Variants in MYO18B observed in about 807,000 individuals in gnomAD.
MYO18B encodes the protein unconventional myosin-XVIIIb.
Under a neutral mutation model 273.0 loss-of-function variants are expected in MYO18B, and 204 were observed. The observed-to-expected ratio is 0.75, with a 90% CI of 0.67 to 0.84. The LOEUF (loss-of-function observed/expected upper bound fraction) is 0.84. MYO18B is among the 40% of genes least tolerant of loss of function. The pLI is 0.00. For synonymous variants in MYO18B, 1,330 were observed against 1,305.7 expected, an observed-to-expected ratio of 1.02 and a Z score of -0.40; for missense variants, 3,212 against 3,287.6, an observed-to-expected ratio of 0.98 and a Z score of 0.56.
chr22:25,998,608 G>T (rs1933596560), intron 40 of MYO18B, among the ~76,000 whole-genome samples: 1 of 152,194 alleles, frequency 6.6e-6, no homozygotes, highest in Non-Finnish European at 1.5e-5. Flanking sequence ...GATTCTGGTT[G>T]CTACTGAGGG....
Position 25,828,847 on chromosome 22 carries a change from G to A in MYO18B, c.2858G>A (p.Arg953Gln), listed in dbSNP as rs768267626. 13 of 1,613,638 alleles carry A rather than the reference G, an allele frequency of 8.1e-6. No individual in the cohort carries two copies. In the East Asian group the frequency reaches 1.6e-4, roughly 19 times the overall value. The change falls in exon 15 of 44, where the codon CGG (arginine) becomes CAG (glutamine). Residue 953 changes from arginine to glutamine, a missense_variant. Transcript: ENST00000335473. ...GACTCTCCAGGCTTCCAGAACCCCC[G>A]GCACCAGGGCAAGGACCGGGCGGCC... The part of the protein sequence containing the change: ...VVDSPGFQNP[R>Q]HQGKDRAATF...
At chr22:25,946,368 AC>A in intron 35 of MYO18B, 118 bp downstream of exon 35, 1 of 603,698 alleles carries the variant, frequency 1.7e-6, no homozygotes, top group Non-Finnish European at 2.9e-6. Flanking sequence ...TTGTAAACCT[AC>A]CAGGTAGCAC....
intron 6 of MYO18B, among the ~76,000 whole-genome samples, chr22:25,771,188 T>C (rs1396525912): frequency 6.6e-6 from 1 of 152,234 alleles, no homozygotes; most frequent in African/African-American, 2.4e-5. Context: ...AGGGGGTCAT[T>C]CACCCTTTCC....
intron 1 of MYO18B, among the ~76,000 whole-genome samples, chr22:25,760,433 A>AC (rs2086271514): frequency 6.8e-6 from 1 of 146,356 alleles, no homozygotes; most frequent in Admixed American, 6.8e-5. Flanking sequence ...AAAAAAAAAA[A>AC]ACACAAAAAC....
At chr22:26,037,304 A>G in the MYO18B span, among the ~76,000 whole-genome samples, 2 of 152,030 alleles carry the variant, frequency 1.3e-5, no homozygotes, top group Non-Finnish European at 2.9e-5. Context: ...GGGAGAGGAG[A>G]CCCTATCTTT....
downstream of MYO18B, among the ~76,000 whole-genome samples, chr22:26,031,582 T>G (rs1277452691): frequency 1.3e-5 from 2 of 152,230 alleles, no homozygotes; most frequent in African/African-American, 4.8e-5. Flanking sequence ...TAAGTCACTT[T>G]ATGAAGTACT....
At chr22:25,847,242 C>A (rs1395244664) in intron 19 of MYO18B, among the ~76,000 whole-genome samples, 188 bp from the exon 20 acceptor site, 1 of 152,174 alleles carries the variant, frequency 6.6e-6, no homozygotes, top group Non-Finnish European at 1.5e-5. Flanking sequence ...TCAGTTTCTC[C>A]ATCTGTTTCA....
At chr22:25,759,568 A>G (rs538016141) in intron 1 of MYO18B, among the ~76,000 whole-genome samples, 15 of 152,352 alleles carry the variant, frequency 9.8e-5, no homozygotes, top group Middle Eastern at 3.4e-3. Context: ...TACCTAATGT[A>G]GATGATGGGT....
intron 18 of MYO18B, among the ~76,000 whole-genome samples, chr22:25,844,221 G>T (rs955989011): frequency 2.6e-5 from 4 of 152,164 alleles, no homozygotes; most frequent in African/African-American, 7.2e-5. Flanking sequence ...GGACATTCAA[G>T]AACTAGGGGT....
chr22:25,748,125 C>T (rs1397508353), intron 1 of MYO18B, among the ~76,000 whole-genome samples: 2 of 152,200 alleles, frequency 1.3e-5, no homozygotes, highest in African/African-American at 4.8e-5. Flanking sequence ...TGAGAAAAGG[C>T]TGAAGGTGAC....
At chr22:25,921,748 ATG>A (rs2092348298) in intron 34 of MYO18B, among the ~76,000 whole-genome samples, 5 of 99,928 alleles carry the variant, frequency 5.0e-5, no homozygotes, top group South Asian at 3.2e-4. Context: ...GTGTATGTGT[ATG>A]TGTGTATGCG....
At position 25,762,833 on chromosome 22, in the gene MYO18B, C is replaced by T. The variant is rs139503214; in HGVS notation, c.40-398C>T. Among the ~76,000 whole-genome samples the T allele has an allele frequency of 4.9e-3, 750 of 152,346 alleles. 2 individuals carry two copies. Among genetic ancestry groups the T allele is most frequent in the Admixed American group, 0.01 (157 of 15,302 alleles). ...TATAAGCTGAGGGGGACCAGGAGAG[C>T]GTGGATGATTCCCTGTGATCCATCC... On this transcript the variant is annotated intron_variant, in intron 2 of 43. Transcript: ENST00000335473.
Position 25,855,285 on chromosome 22 carries a change from C to CTTTTTTTT in MYO18B, c.3885+3715_3885+3722dup, listed in dbSNP as rs150338635. Among the ~76,000 whole-genome samples, 6 of 132,324 alleles carry CTTTTTTTT rather than the reference C, an allele frequency of 4.5e-5. 1 individual carries two copies. Among genetic ancestry groups the CTTTTTTTT allele is most frequent in the Non-Finnish European group, 7.8e-5 (5 of 64,022 alleles). 86.8% of individuals were successfully genotyped at this position (132,324 alleles called of 152,430 possible). A position where few individuals can be genotyped will look rare whatever the true frequency, so the allele number is the denominator to read the frequency against. ...TTTCTGCAAAGGACGTTATCTCATTCTTTTTTTTTTTTTTTTGAGATGGAG... is the reference window on the plus strand; with the variant it reads ...TTTCTGCAAAGGACGTTATCTCATTCTTTTTTTTTTTTTTTTTTTTTTTTGAGATGGAG... On this transcript the variant is annotated intron_variant, in intron 21 of 43. Coordinates refer to ENST00000335473, the MANE Select transcript of MYO18B (RefSeq NM_032608.7).
At chr22:25,859,533 T>A (rs2090669835) in intron 21 of MYO18B, among the ~76,000 whole-genome samples, 1 of 152,198 alleles carries the variant, frequency 6.6e-6, no homozygotes, top group South Asian at 2.1e-4. Context: ...TCCTTATCAA[T>A]ACTTGGAATT....
In MYO18B at chr22:25,768,465, C is replaced by A. The variant is rs41281573; in HGVS notation, c.549C>A (p.Pro183=). 4,443 of 1,607,322 alleles carry A rather than the reference C, an allele frequency of 2.8e-3. 89 individuals carry two copies. In the South Asian group the frequency reaches 0.03, roughly 11 times the overall value. Residue 183 remains proline, a synonymous_variant, in exon 4 of 44, where the codon CCC becomes CCA. Coordinates refer to ENST00000335473, the MANE Select transcript of MYO18B (RefSeq NM_032608.7). The part of the protein sequence containing the change: ...HDAPPCKTSP[P]ATDTGKEKKG... The stretch of plus-strand genomic sequence containing the variant: ...CCCCCCCTTGCAAGACCTCTCCCCC[C>A]GCCACAGATACTGGAAAGGAAAAGA...
At chr22:25,802,308 C>T (rs1017802297) in intron 12 of MYO18B, among the ~76,000 whole-genome samples, 1 of 152,122 alleles carries the variant, frequency 6.6e-6, no homozygotes, top group Non-Finnish European at 1.5e-5. Flanking sequence ...GCATGACAGC[C>T]GACAGCCTCC....
chr22:25,832,797 A>C (rs910376917), intron 15 of MYO18B, 120 bp from the exon 16 acceptor site: 22 of 818,684 alleles, frequency 2.7e-5, no homozygotes, highest in Non-Finnish European at 5.7e-6. Context: ...ATTTAAAAAA[A>C]CGATTTTTTT....
chr22:26,031,305 A>G (rs1936661248), downstream of MYO18B, among the ~76,000 whole-genome samples: 1 of 152,068 alleles, frequency 6.6e-6, no homozygotes, highest in Non-Finnish European at 1.5e-5. Flanking sequence ...TTTGGATCAC[A>G]GTTGTGTTAG....
chr22:25,981,628 C>T (rs1471956929), intron 39 of MYO18B, among the ~76,000 whole-genome samples: 1 of 152,092 alleles, frequency 6.6e-6, no homozygotes, highest in Non-Finnish European at 1.5e-5. Flanking sequence ...GCCTGTAGTC[C>T]CAGGTATTCA....
Sources: gnomAD v4.1 joint callset for allele counts (sites outside exome capture counted in the v4.1 genomes callset) on GRCh38, gnomAD v4.1.1 for gene constraint, MANE v1.5 for transcripts, NCBI Gene and HGNC (gene_info 2026-07-23, HGNC 2026-07-21) for gene names.